The following MDGA2 variants were observed in gnomAD, a reference collection of about 807,000 sequenced individuals.
MDGA2 encodes MAM domain-containing glycosylphosphatidylinositol anchor protein 2.
Under a neutral mutation model 117.8 loss-of-function variants are expected in MDGA2, and 40 were observed. The observed-to-expected ratio is 0.34, with a 90% CI of 0.26 to 0.44. The LOEUF (loss-of-function observed/expected upper bound fraction) is 0.44. Among genes scored for constraint, MDGA2 ranks in the 20% least tolerant of loss-of-function variants. The pLI, the probability that MDGA2 is intolerant of heterozygous loss-of-function variation, is 1.00. For synonymous variants in MDGA2, 452 were observed against 439.0 expected (o/e 1.03, Z -0.37); for missense variants, 1,123 against 1,250.6 (o/e 0.90, Z 1.54).
chr14:46,848,719 CTG>C (rs1271592027), intron 15 of MDGA2, among the ~76,000 whole-genome samples: 1 of 150,954 alleles, frequency 6.6e-6, no homozygotes, highest in Non-Finnish European at 1.5e-5. Flanking sequence ...GATTGAGAGA[CTG>C]TGTCGGGAAA....
intron 2 of MDGA2, among the ~76,000 whole-genome samples, chr14:47,281,987 G>A (rs1421294982): frequency 1.3e-5 from 2 of 150,954 alleles, no homozygotes; most frequent in Non-Finnish European, 3.0e-5. Flanking sequence ...CCCGGGAGGC[G>A]GAGGTTGCAG....
intron 2 of MDGA2, among the ~76,000 whole-genome samples, chr14:47,300,455 T>C (rs1889238511): frequency 6.6e-6 from 1 of 151,896 alleles, no homozygotes; most frequent in African/African-American, 2.4e-5. Context: ...ATATAACTGT[T>C]TCTTTTGTTC....
Position 46,841,732 on chromosome 14 carries a change from G to C in MDGA2, c.*199C>G, listed in dbSNP as rs546387311. ...TACTCAGGTCAAGATTATCTTTTAT[G>C]TTTAGTCTGGAATAAGTTATACTTC... On this transcript the variant is annotated 3_prime_UTR_variant, in exon 17 of 17. Coordinates refer to ENST00000399232, the MANE Select transcript of MDGA2 (RefSeq NM_001113498.3). The C allele has an allele frequency of 3.9e-5, 13 of 337,284 alleles. No individual in the cohort carries two copies. The highest frequency in any genetic ancestry group is 1.3e-4 in the African/African-American group (6 of 44,990). The allele number at this position is 337,284 out of a possible 1,614,324, so 20.9% of individuals were successfully genotyped here.
At chr14:46,846,692 G>A (rs1166536308) in intron 15 of MDGA2, among the ~76,000 whole-genome samples, 1 of 151,872 alleles carries the variant, frequency 6.6e-6, no homozygotes, top group Admixed American at 6.6e-5. Context: ...TTTCTTTATG[G>A]CTCCCAAATT....
At chr14:46,922,110 G>C (rs903171864) in intron 9 of MDGA2, among the ~76,000 whole-genome samples, 10 of 151,914 alleles carry the variant, frequency 6.6e-5, no homozygotes, top group African/African-American at 2.2e-4. Context: ...AGGCGGGGGG[G>C]CAAACAGAAT....
At chr14:47,409,217 C>G (rs537532546) in intron 1 of MDGA2, among the ~76,000 whole-genome samples, 4 of 152,142 alleles carry the variant, frequency 2.6e-5, no homozygotes, top group Non-Finnish European at 5.9e-5. Flanking sequence ...GAACATAGCC[C>G]GTTATGGGAA....
chr14:46,964,918 A>ATTTTTTT (rs1566549134), intron 8 of MDGA2, among the ~76,000 whole-genome samples: 4 of 95,418 alleles, frequency 4.2e-5, no homozygotes, highest in African/African-American at 1.9e-4. Context: ...ATATATATTT[A>ATTTTTTT]CTTTTTTTTT....
intron 6 of MDGA2, among the ~76,000 whole-genome samples, chr14:47,075,218 A>C (rs1445929854): frequency 6.6e-6 from 1 of 152,150 alleles, no homozygotes; most frequent in Non-Finnish European, 1.5e-5. Flanking sequence ...AAGAATTGCC[A>C]CTATTCTTTG....
chr14:46,938,500 A>G (rs1432162854), intron 9 of MDGA2, among the ~76,000 whole-genome samples: 2 of 142,782 alleles, frequency 1.4e-5, no homozygotes, highest in Non-Finnish European at 3.0e-5. Flanking sequence ...AGATCATGCC[A>G]TTGTACTCCA....
At chr14:47,328,705 G>A (rs964159366) in intron 1 of MDGA2, among the ~76,000 whole-genome samples, 1 of 152,066 alleles carries the variant, frequency 6.6e-6, no homozygotes, top group African/African-American at 2.4e-5. Context: ...TGAGAGGTAA[G>A]AACAACCTTC....
At chr14:47,606,494 G>A (rs540001793) in intron 1 of MDGA2, among the ~76,000 whole-genome samples, 1 of 152,228 alleles carries the variant, frequency 6.6e-6, no homozygotes, top group South Asian at 2.1e-4. Context: ...TCACATGTCA[G>A]AACATGAGAT....
intron 1 of MDGA2, among the ~76,000 whole-genome samples, chr14:47,550,267 A>T (rs535125913): frequency 6.6e-6 from 1 of 152,360 alleles, no homozygotes; most frequent in East Asian, 1.9e-4. Context: ...GACAATTTCT[A>T]AACTAGATAT....
chr14:47,233,628 C>A (rs1274377830), intron 2 of MDGA2, among the ~76,000 whole-genome samples: 1 of 152,098 alleles, frequency 6.6e-6, no homozygotes, highest in Non-Finnish European at 1.5e-5. Flanking sequence ...TGAGGAATTA[C>A]TGGTCCTAAA....
At chr14:47,107,851 T>C (rs1008778981) in intron 5 of MDGA2, among the ~76,000 whole-genome samples, 1 of 151,498 alleles carries the variant, frequency 6.6e-6, no homozygotes, top group African/African-American at 2.4e-5. Flanking sequence ...GCTGCTTTAA[T>C]ACTTTTAGAG....
intron 7 of MDGA2, 78 bp downstream of exon 7, chr14:47,061,171 C>A (rs545725000): frequency 1.5e-6 from 2 of 1,341,072 alleles, no homozygotes; most frequent in South Asian, 3.0e-5. Flanking sequence ...ATATTTTTAA[C>A]TAAAACCTAC....
intron 1 of MDGA2, among the ~76,000 whole-genome samples, chr14:47,584,958 A>C (rs147707044): frequency 6.6e-6 from 1 of 151,940 alleles, no homozygotes; most frequent in East Asian, 1.9e-4. Context: ...CACTCAATAA[A>C]GCTTTTTCTG....
At chr14:47,218,448 G>T (rs544808153) in intron 2 of MDGA2, among the ~76,000 whole-genome samples, 1 of 152,062 alleles carries the variant, frequency 6.6e-6, no homozygotes, top group African/African-American at 2.4e-5. Context: ...AGTGTGGAGG[G>T]CAATATAAAC....
At chr14:46,988,882 C>T (rs939420501) in intron 8 of MDGA2, among the ~76,000 whole-genome samples, 1 of 151,806 alleles carries the variant, frequency 6.6e-6, no homozygotes, top group Non-Finnish European at 1.5e-5. Context: ...GCAACAGAAT[C>T]CCATGTGTTC....
At chr14:47,260,591 TA>T (rs1887764021) in intron 2 of MDGA2, among the ~76,000 whole-genome samples, 1 of 152,012 alleles carries the variant, frequency 6.6e-6, no homozygotes, top group Admixed American at 6.6e-5. Flanking sequence ...CAAAGATAAG[TA>T]AAGGAGAAAA....
Sources: allele counts gnomAD v4.1 joint callset (sites outside exome capture counted in the v4.1 genomes callset), GRCh38; gene constraint gnomAD v4.1.1; transcripts MANE v1.5; gene names NCBI Gene and HGNC (gene_info 2026-07-23, HGNC 2026-07-21).